Variants in TTC29 observed in about 807,000 individuals in gnomAD.
TTC29 encodes the protein tetratricopeptide repeat protein 29.
Under a neutral mutation model 58.1 loss-of-function variants are expected in TTC29, and 49 were observed. The ratio of observed to expected loss-of-function variants is 0.84; its 90% confidence interval spans 0.67 to 1.07. The LOEUF (loss-of-function observed/expected upper bound fraction) is 1.07, where lower values mean the gene tolerates loss of function less well. Ranked by LOEUF, TTC29 falls within the 50% of genes least tolerant of loss-of-function variation. The probability of loss-of-function intolerance (pLI) is 0.00; values close to 1 mark genes in which losing one functional copy is unlikely to be tolerated. For missense variants in TTC29, 582 were observed against 555.6 expected, an observed-to-expected ratio of 1.05 and a Z score of -0.48; for synonymous variants, 209 against 196.8, an observed-to-expected ratio of 1.06 and a Z score of -0.52.
chr4:146,823,952 G>C (rs1309165687), intron 9 of TTC29, among the ~76,000 whole-genome samples: 1 of 152,160 alleles, frequency 6.6e-6, no homozygotes, highest in Non-Finnish European at 1.5e-5. Flanking sequence ...CATTGATTTT[G>C]TATCCTGAGA....
chr4:146,758,103 C>G (rs1425005813), intron 11 of TTC29, among the ~76,000 whole-genome samples: 3 of 152,032 alleles, frequency 2.0e-5, no homozygotes, highest in African/African-American at 7.2e-5. Flanking sequence ...GGAGACTTAC[C>G]TAGAACATAT....
chr4:146,898,892 A>G (rs926044821), intron 6 of TTC29, among the ~76,000 whole-genome samples: 2 of 152,208 alleles, frequency 1.3e-5, no homozygotes, highest in African/African-American at 4.8e-5. Context: ...CTAGCCCCTC[A>G]CAAAGAAGGC....
chr4:146,839,728 CT>C (rs146584580), intron 8 of TTC29, among the ~76,000 whole-genome samples: 12 of 149,114 alleles, frequency 8.0e-5, no homozygotes, highest in Middle Eastern at 3.5e-3. Flanking sequence ...AAAGGAAAAT[CT>C]TTTTTTTTTC....
intron 11 of TTC29, among the ~76,000 whole-genome samples, chr4:146,735,964 C>T (rs1744679877): frequency 6.6e-6 from 1 of 152,106 alleles, no homozygotes; most frequent in Non-Finnish European, 1.5e-5. Flanking sequence ...AAAATGGAAA[C>T]TGGTGGGGTT....
chr4:146,735,761 A>C (rs1744668872), intron 11 of TTC29, among the ~76,000 whole-genome samples: 1 of 152,156 alleles, frequency 6.6e-6, no homozygotes, highest in Non-Finnish European at 1.5e-5. Context: ...ATGGGCACCC[A>C]ATGTGATGTT....
At chr4:146,891,424 G>C (rs1732355661) in intron 6 of TTC29, among the ~76,000 whole-genome samples, 1 of 152,104 alleles carries the variant, frequency 6.6e-6, no homozygotes, top group Non-Finnish European at 1.5e-5. Context: ...CCAATAATTA[G>C]TGATGGTGTT....
intron 11 of TTC29, among the ~76,000 whole-genome samples, chr4:146,728,533 A>G (rs911365426): frequency 9.3e-5 from 14 of 151,202 alleles, no homozygotes; most frequent in African/African-American, 3.2e-4. Flanking sequence ...GGTCTTCCCC[A>G]TCCATTCTAT....
At chr4:146,854,124 C>A (rs1729684237) in intron 8 of TTC29, among the ~76,000 whole-genome samples, 1 of 152,136 alleles carries the variant, frequency 6.6e-6, no homozygotes, top group African/African-American at 2.4e-5. Context: ...TAATAACTGG[C>A]TTGGCAATAC....
chr4:146,899,639 T>G (rs963396695), intron 6 of TTC29, among the ~76,000 whole-genome samples: 1 of 152,156 alleles, frequency 6.6e-6, no homozygotes, highest in South Asian at 2.1e-4. Flanking sequence ...ATCTACTGTT[T>G]GTGACTCTGG....
intron 11 of TTC29, among the ~76,000 whole-genome samples, chr4:146,797,876 T>G (rs1749938255): frequency 3.4e-5 from 5 of 144,946 alleles, no homozygotes; most frequent in Admixed American, 3.4e-4. Context: ...TCTCTCTTCT[T>G]TTCCCTCTCC....
chr4:146,780,160 T>C (rs1315916793), intron 11 of TTC29, among the ~76,000 whole-genome samples: 2 of 152,138 alleles, frequency 1.3e-5, no homozygotes, highest in Non-Finnish European at 2.9e-5. Flanking sequence ...GTGGAGTACT[T>C]CTTTTCAAAG....
intron 9 of TTC29, among the ~76,000 whole-genome samples, chr4:146,823,867 T>C (rs1205859734): frequency 6.6e-6 from 1 of 152,220 alleles, no homozygotes; most frequent in African/African-American, 2.4e-5. Flanking sequence ...GTAGCAATTG[T>C]AAATGGGAGT....
intron 9 of TTC29, among the ~76,000 whole-genome samples, chr4:146,827,012 C>T (rs976082962): frequency 2.0e-5 from 3 of 151,002 alleles, no homozygotes; most frequent in Admixed American, 1.3e-4. Flanking sequence ...AACCTTTTAT[C>T]GAGGTTCTTA....
intron 6 of TTC29, among the ~76,000 whole-genome samples, chr4:146,879,103 G>T (rs1301487197): frequency 1.3e-5 from 2 of 152,086 alleles, no homozygotes; most frequent in Non-Finnish European, 2.9e-5. Context: ...GTATTTGGTG[G>T]CAGTAAATAA....
intron 8 of TTC29, among the ~76,000 whole-genome samples, chr4:146,855,336 G>A (rs1199499871): frequency 1.3e-5 from 2 of 152,184 alleles, no homozygotes. Context: ...TGGAGGTTGA[G>A]GAAGGAGACT....
intron 11 of TTC29, among the ~76,000 whole-genome samples, chr4:146,709,785 T>A (rs1334396783): frequency 1.3e-5 from 2 of 152,138 alleles, no homozygotes; most frequent in African/African-American, 4.8e-5. Context: ...ATTTTCTGGC[T>A]TCATAGAGGA....
chr4:146,728,803 ACACATATATATG>A (rs1561066363), intron 11 of TTC29, among the ~76,000 whole-genome samples: 24 of 124,500 alleles, frequency 1.9e-4, no homozygotes, highest in Admixed American at 7.3e-4. Context: ...ACGTATATAT[ACACATATATATG>A]TGTATATATA....
Position 146,797,553 on chromosome 4 carries a change from G to T in TTC29, c.1330+5904C>A, listed in dbSNP as rs571517508. Among the ~76,000 whole-genome samples, 9 of 151,458 alleles carry T rather than the reference G, an allele frequency of 5.9e-5. No homozygotes were observed. In the South Asian group the frequency reaches 1.9e-3, roughly 32 times the overall value. ...TTGATGCTTATTTTTTTTTATTTCA[G>T]TACTTTAAATATCTTCTTCTGAACT... On this transcript the variant is annotated intron_variant, in intron 11 of 12. Transcript: ENST00000325106.
intron 11 of TTC29, chr4:146,763,822 C>A (rs1747088742): frequency 6.6e-6 from 1 of 152,082 alleles, no homozygotes; most frequent in South Asian, 2.1e-4. Context: ...ACAGACTTCA[C>A]CAGAAAGCCT....
Sources: allele counts gnomAD v4.1 joint callset (sites outside exome capture counted in the v4.1 genomes callset), GRCh38; gene constraint gnomAD v4.1.1; transcripts MANE v1.5; gene names NCBI Gene and HGNC (gene_info 2026-07-23, HGNC 2026-07-21).